MKLN1: variants seen among roughly 807,000 people sequenced by gnomAD.
The protein encoded by MKLN1 is muskelin 1.
A neutral mutation model predicts 99.0 loss-of-function variants in MKLN1; 18 were observed. The ratio of observed to expected loss-of-function variants is 0.18; its 90% CI spans 0.13 to 0.27. MKLN1 has a LOEUF of 0.27. Ranked by LOEUF, MKLN1 falls within the 10% of genes least tolerant of loss-of-function variation. The probability of loss-of-function intolerance (pLI) is 1.00; values close to 1 mark genes in which losing one functional copy is unlikely to be tolerated. For synonymous variants in MKLN1, 288 were observed against 293.2 expected (o/e 0.98, Z 0.18); for missense variants, 621 against 875.9 (o/e 0.71, Z 3.67).
chr7:131,230,357 T>C (rs1216391364), intron 3 of MKLN1, among the ~76,000 whole-genome samples: 1 of 152,112 alleles, frequency 6.6e-6, no homozygotes, highest in Non-Finnish European at 1.5e-5. Context: ...GTCTGTTTAG[T>C]TGGAGGGCTT....
At chr7:131,258,357 A>AGGAAGATTCTGTTGCTGGG (rs1473223613) in intron 3 of MKLN1, among the ~76,000 whole-genome samples, 19 of 152,160 alleles carry the variant, frequency 1.2e-4, no homozygotes, top group African/African-American at 4.1e-4. Flanking sequence ...CTGTTGCTGG[A>AGGAAGATTCTGTTGCTGGG]GGAAGATTCT....
chr7:131,259,124 T>A (rs1031653744), intron 3 of MKLN1, among the ~76,000 whole-genome samples: 4 of 152,096 alleles, frequency 2.6e-5, no homozygotes, highest in Non-Finnish European at 4.4e-5. Flanking sequence ...TAAAAAAATA[T>A]ATATATATAA....
rs564186575 is a variant in MKLN1, at chr7:131,478,656, G to A, written c.2065G>A (p.Gly689Ser). ...CCTGGCATCAGCTCTATTCAAATCT[G>A]GTTCAGATTTTACAGCTCTGGGTAA... ...QLLASALFKS[G>S]SDFTALGFSD... The change falls in exon 17 of 18, where the codon GGT becomes AGT. Residue 689 changes from glycine to serine, a missense_variant. Transcript: ENST00000352689. 18 of 1,546,726 alleles carry A rather than the reference G, an allele frequency of 1.2e-5. No individual in the cohort carries two copies. Among genetic ancestry groups the A allele is most frequent in the Non-Finnish European group, 1.6e-5 (18 of 1,144,428 alleles).
chr7:131,213,282 A>G (rs893421196), intron 3 of MKLN1, among the ~76,000 whole-genome samples: 3 of 152,298 alleles, frequency 2.0e-5, no homozygotes, highest in Non-Finnish European at 2.9e-5. Flanking sequence ...ATTGCAGCCC[A>G]AAGAACTAAG....
intron 6 of MKLN1, among the ~76,000 whole-genome samples, chr7:131,404,344 G>T (rs952678560): frequency 6.6e-6 from 1 of 152,032 alleles, no homozygotes; most frequent in Non-Finnish European, 1.5e-5. Context: ...TGTTCTTTTG[G>T]CAGGGTCTCT....
intron 3 of MKLN1, among the ~76,000 whole-genome samples, chr7:131,223,878 T>G (rs1481173219): frequency 6.6e-6 from 1 of 152,106 alleles, no homozygotes; most frequent in East Asian, 1.9e-4. Flanking sequence ...GCGATTCTCC[T>G]GACTCAGCCT....
intron 1 of MKLN1, among the ~76,000 whole-genome samples, chr7:131,111,966 A>T (rs958488640): frequency 6.6e-6 from 1 of 152,190 alleles, no homozygotes; most frequent in Admixed American, 6.5e-5. Context: ...TTTGTGTACT[A>T]ATTGTCTTTT....
intron 4 of MKLN1, among the ~76,000 whole-genome samples, chr7:131,390,393 TG>T (rs1265793707): frequency 6.6e-6 from 1 of 152,182 alleles, no homozygotes; most frequent in African/African-American, 2.4e-5. Flanking sequence ...TAAAGACCTT[TG>T]CATAGCTTTA....
At chr7:131,312,952 A>C (rs1798595555) in intron 3 of MKLN1, among the ~76,000 whole-genome samples, 1 of 152,220 alleles carries the variant, frequency 6.6e-6, no homozygotes. Flanking sequence ...CACTGTCCCC[A>C]GGGCCACTTG....
At chr7:131,142,425 A>T (rs62472610) in intron 1 of MKLN1, among the ~76,000 whole-genome samples, 14 of 148,874 alleles carry the variant, frequency 9.4e-5, no homozygotes, top group African/African-American at 3.2e-4. Context: ...AAAAAAAATT[A>T]AAATGATAAT....
intron 1 of MKLN1, among the ~76,000 whole-genome samples, chr7:131,363,688 G>C (rs1010834700): frequency 6.6e-6 from 1 of 150,504 alleles, no homozygotes; most frequent in Admixed American, 6.6e-5. Flanking sequence ...TACATGAGTG[G>C]TTCCTTCTGA....
chr7:131,212,084 T>G (rs1448348682), intron 3 of MKLN1, among the ~76,000 whole-genome samples: 1 of 152,252 alleles, frequency 6.6e-6, no homozygotes, highest in East Asian at 1.9e-4. Flanking sequence ...CAATTGAAGC[T>G]GTTCATCACT....
At chr7:131,240,463 A>C (rs1310349203) in intron 3 of MKLN1, among the ~76,000 whole-genome samples, 1 of 151,908 alleles carries the variant, frequency 6.6e-6, no homozygotes, top group Non-Finnish European at 1.5e-5. Context: ...GCAAACGTTT[A>C]AAAATTTTTT....
At chr7:131,311,031 A>T (rs1265105040) in intron 3 of MKLN1, 1 of 152,124 alleles carries the variant, frequency 6.6e-6, no homozygotes, top group Non-Finnish European at 1.5e-5. Flanking sequence ...AAGTCAGCAA[A>T]TCTTTTCAGT....
intron 3 of MKLN1, among the ~76,000 whole-genome samples, chr7:131,204,206 G>A (rs1401162583): frequency 6.6e-6 from 1 of 152,192 alleles, no homozygotes; most frequent in African/African-American, 2.4e-5. Flanking sequence ...ATAAGTCTGG[G>A]TTAGCAGGCT....
At chr7:131,285,330 C>T (rs372406501) in intron 3 of MKLN1, among the ~76,000 whole-genome samples, 2 of 152,178 alleles carry the variant, frequency 1.3e-5, no homozygotes, top group Admixed American at 6.5e-5. Flanking sequence ...GGAGTGTTTG[C>T]CAAAGATGAA....
chr7:131,114,430 A>T (rs1795244291), intron 1 of MKLN1, among the ~76,000 whole-genome samples: 1 of 152,180 alleles, frequency 6.6e-6, no homozygotes, highest in South Asian at 2.1e-4. Flanking sequence ...AGAATAAGGA[A>T]TAGTTCATGG....
chr7:131,290,380 C>A (rs780730971), intron 3 of MKLN1, among the ~76,000 whole-genome samples: 5 of 152,110 alleles, frequency 3.3e-5, no homozygotes, highest in Non-Finnish European at 5.9e-5. Context: ...TATCACTTAC[C>A]TACTTCTAAT....
At position 131,399,364 on chromosome 7, in the gene MKLN1, A is replaced by C. The variant is rs1563329164; in HGVS notation, c.634A>C (p.Ile212Leu). The C allele has an allele frequency of 6.2e-7, 1 of 1,614,074 alleles. No homozygotes were observed. Among genetic ancestry groups the C allele is most frequent in the Non-Finnish European group, 8.5e-7 (1 of 1,179,938 alleles). Reference protein sequence around the residue: ...IALEHPMLTDIHDKLVLKGDF... With the variant: ...IALEHPMLTDLHDKLVLKGDF... ...ACTGGAACATCCCATGTTAACAGATATTCATGACAAGCTGGTGTTGAAGGG... is the reference window on the plus strand; with the variant it reads ...ACTGGAACATCCCATGTTAACAGATCTTCATGACAAGCTGGTGTTGAAGGG... The change falls in exon 6 of 18, where the codon ATT becomes CTT. Residue 212 changes from isoleucine to leucine, a missense_variant. Coordinates refer to ENST00000352689, the MANE Select transcript of MKLN1 (RefSeq NM_013255.5).
Sources: gnomAD v4.1 joint callset for allele counts (sites outside exome capture counted in the v4.1 genomes callset) on GRCh38, gnomAD v4.1.1 for gene constraint, MANE v1.5 for transcripts, NCBI Gene and HGNC (gene_info 2026-07-23, HGNC 2026-07-21) for gene names.